Variants in NLRP12 observed in about 807,000 individuals in gnomAD.
NLRP12 encodes the protein NLR family pyrin domain containing 12.
NLRP12 carries 108 observed loss-of-function variants against 91.2 expected under a neutral mutation model. The observed-to-expected ratio is 1.18, with a 90% CI of 1.01 to 1.39. NLRP12 has a LOEUF of 1.39. NLRP12 is among the 40% of genes most tolerant of loss of function. The pLI, the probability that NLRP12 is intolerant of heterozygous loss-of-function variation, is 0.00. For missense variants in NLRP12, 1,530 were observed against 1,352.7 expected (o/e 1.13, Z -2.06); for synonymous variants, 613 against 566.7 (o/e 1.08, Z -1.16).
At position 53,811,214 on chromosome 19, in the gene NLRP12, C is replaced by T. The variant is rs1157468713; in HGVS notation, c.445G>A (p.Glu149Lys). 1 of 1,613,980 alleles carries T rather than the reference C, an allele frequency of 6.2e-7. No individual in the cohort carries two copies. Among genetic ancestry groups the T allele is most frequent in the Non-Finnish European group, 8.5e-7 (1 of 1,180,042 alleles). ...LMEDRNARLGECVNLSHRYTR... is the reference protein window; with the variant it reads ...LMEDRNARLGKCVNLSHRYTR... ...TACCGGTGGCTGAGGTTGACACATT[C>T]CCCTAGGCGCGCATTGCGGTCTTCC... The change falls in exon 3 of 10, where the codon GAA becomes AAA. Residue 149 changes from glutamate (E) to lysine (K), a missense_variant. By Grantham distance (56) the Glu-to-Lys change is moderately conservative (BLOSUM62 1). Coordinates refer to ENST00000324134, the MANE Select transcript of NLRP12 (RefSeq NM_144687.4).
intron 3 of NLRP12, among the ~76,000 whole-genome samples, chr19:53,809,051 C>T (rs778137750): frequency 6.6e-6 from 1 of 151,850 alleles, no homozygotes; most frequent in African/African-American, 2.4e-5. Context: ...CACAGCGAAA[C>T]CCCATCTCCA....
chr19:53,823,462 A>AAAT (rs1430328978), intron 1 of NLRP12, among the ~76,000 whole-genome samples: 14,787 of 100,296 alleles, frequency 0.15, 1,218 homozygotes, highest in Middle Eastern at 0.22. Flanking sequence ...ATATATTTTA[A>AAAT]ATATATATTT....
chr19:53,819,655 A>G (rs2092235053), intron 1 of NLRP12, among the ~76,000 whole-genome samples: 1 of 81,282 alleles, frequency 1.2e-5, no homozygotes, highest in Admixed American at 1.3e-4. Context: ...ACGTATATAT[A>G]TACACATGTA....
At chr19:53,822,925 G>A (rs1054827148) in intron 1 of NLRP12, among the ~76,000 whole-genome samples, 5 of 151,380 alleles carry the variant, frequency 3.3e-5, no homozygotes, top group South Asian at 2.1e-4. Context: ...GTGCCACCAC[G>A]CCTGGCTAAT....
intron 2 of NLRP12, among the ~76,000 whole-genome samples, chr19:53,813,335 C>T (rs1208323681): frequency 3.9e-5 from 4 of 102,210 alleles, no homozygotes; most frequent in Non-Finnish European, 7.1e-5. Flanking sequence ...CAGAGTCTTG[C>T]TCTGTCACCT....
At chr19:53,817,017 C>T (rs532544041) in intron 1 of NLRP12, among the ~76,000 whole-genome samples, 106 of 151,316 alleles carry the variant, frequency 7.0e-4, no homozygotes, top group African/African-American at 2.4e-3. Flanking sequence ...AGGGCCAGGG[C>T]GCGGTGGCTC....
In NLRP12 at chr19:53,804,151, C is replaced by T. The variant is rs573268076; in HGVS notation, c.2415-29G>A. On this transcript the variant is annotated intron_variant, in intron 5 of 9. Coordinates refer to ENST00000324134, the MANE Select transcript of NLRP12 (RefSeq NM_144687.4). ...GGGAGGAAGGAGAGGTTGAAGGGGA[C>T]GCCATCTTGCTTTTCTATGTCGTGA... 6.1e-5 allele frequency: 98 copies of T among 1,611,866 alleles called. No individual in the cohort carries two copies. In the Admixed American group the frequency reaches 8.0e-4, roughly 13 times the overall value.
At chr19:53,820,116 G>A (rs540915784) in intron 1 of NLRP12, among the ~76,000 whole-genome samples, 3 of 152,148 alleles carry the variant, frequency 2.0e-5, no homozygotes, top group South Asian at 2.1e-4. Context: ...AAGTTTGCTC[G>A]GTTCCTAGCC....
At position 53,811,098 on chromosome 19, in the gene NLRP12, C is replaced by T; in HGVS notation, c.561G>A (p.Val187=). ...TCTTGATGGGGCTAGCCTGGTGTCC[C>T]ACGGTCCTCGCGTGTCCCCGGCCTG... ...LDTGRGHART[V]GHQASPIKIE... Residue 187 remains valine, a synonymous_variant, in exon 3 of 10, where the codon GTG becomes GTA. Transcript: ENST00000324134. 1 of 1,613,918 alleles carries T rather than the reference C, an allele frequency of 6.2e-7. No homozygotes were observed. The highest frequency in any genetic ancestry group is 8.5e-7 in the Non-Finnish European group (1 of 1,179,864).
rs367744369 is a variant in NLRP12, at chr19:53,811,107, C to T, written c.552G>A (p.Ala184=). The T allele has an allele frequency of 1.5e-4, 240 of 1,613,888 alleles. No individual in the cohort carries two copies. Among genetic ancestry groups the T allele is most frequent in the Non-Finnish European group, 1.8e-4 (216 of 1,180,000 alleles). ...QQLLDTGRGH[A]RTVGHQASPI... is the part of the protein sequence containing the mutation. ...GGCTAGCCTGGTGTCCCACGGTCCT[C>T]GCGTGTCCCCGGCCTGTGTCCAGAA... Residue 184 remains alanine, a synonymous_variant, in exon 3 of 10, where the codon GCG becomes GCA. Coordinates refer to ENST00000324134, the MANE Select transcript of NLRP12 (RefSeq NM_144687.4).
intron 8 of NLRP12, among the ~76,000 whole-genome samples, chr19:53,796,758 A>G (rs1326585390): frequency 4.0e-5 from 6 of 151,598 alleles, no homozygotes; most frequent in Non-Finnish European, 8.8e-5. Flanking sequence ...GCACTTTGGG[A>G]GGCCGAGGCA....
chr19:53,806,823 A>T (rs1212659602), intron 4 of NLRP12, among the ~76,000 whole-genome samples: 1 of 149,730 alleles, frequency 6.7e-6, no homozygotes, highest in Non-Finnish European at 1.5e-5. Flanking sequence ...GTGCCACTGC[A>T]CTCCAGCCTG....
Position 53,801,521 on chromosome 19 carries a change from G to C in NLRP12, c.2586-124C>G, listed in dbSNP as rs1284301145. 5 of 1,315,044 alleles carry C rather than the reference G, an allele frequency of 3.8e-6. No homozygotes were observed. The South Asian group carries it at 6.8e-5, about 18-fold the overall frequency. 81.5% of individuals were successfully genotyped at this position (1,315,044 alleles called of 1,614,324 possible). ...GGCTGGAATGCAGTGGTGCAATCTC[G>C]GCTCAGCTGCATCCTCCACCTCCCA... is the stretch of plus-strand genomic sequence containing the variant. On this transcript the variant is annotated intron_variant, in intron 6 of 9. Transcript: ENST00000324134.
chr19:53,802,229 A>T (rs975501697), intron 6 of NLRP12, among the ~76,000 whole-genome samples: 1 of 151,806 alleles, frequency 6.6e-6, no homozygotes, highest in African/African-American at 2.4e-5. Flanking sequence ...CTCCATCTCA[A>T]ATAAATAAAT....
intron 7 of NLRP12, among the ~76,000 whole-genome samples, chr19:53,799,623 C>T (rs1303170279): frequency 1.3e-5 from 2 of 151,968 alleles, no homozygotes; most frequent in Non-Finnish European, 2.9e-5. Flanking sequence ...ACCTGGATAT[C>T]AGGCGTCCGC....
Position 53,801,609 on chromosome 19 carries a change from C to T in NLRP12, c.2586-212G>A, listed in dbSNP as rs117788492. Among the ~76,000 whole-genome samples the T allele has an allele frequency of 8.4e-3, 1,273 of 151,694 alleles. 37 individuals are homozygous for T. The South Asian group carries it at 0.097, about 12-fold the overall frequency. ...CTGGGACTACAAGCGTGTGGCATCA[C>T]GCCTAGTTAGTTTTTGTATTTTTAG... is the stretch of plus-strand genomic sequence containing the variant. On this transcript the variant is annotated intron_variant, in intron 6 of 9. Transcript: ENST00000324134.
chr19:53,804,180 C>T, intron 5 of NLRP12, 58 bp from the exon 6 acceptor site: 2 of 1,565,170 alleles, frequency 1.3e-6, no homozygotes, highest in South Asian at 1.1e-5. Flanking sequence ...GTCGTGATCA[C>T]TCATGCTCCA....
intron 9 of NLRP12, among the ~76,000 whole-genome samples, chr19:53,795,099 GGTGTGTGCGTGTGT>G (rs1157012034): frequency 1.5e-5 from 2 of 133,398 alleles, no homozygotes; most frequent in Non-Finnish European, 3.3e-5. Flanking sequence ...CACCATACCT[GGTGTGTGCGTGTGT>G]GTGTGTGTGT....
intron 2 of NLRP12, among the ~76,000 whole-genome samples, chr19:53,811,522 AT>A (rs1004505838): frequency 2.0e-5 from 3 of 151,478 alleles, no homozygotes; most frequent in African/African-American, 4.8e-5. Context: ...TCAAAAAAAA[AT>A]TTTTTTTAAT....
Sources: allele counts gnomAD v4.1 joint callset (sites outside exome capture counted in the v4.1 genomes callset), GRCh38; gene constraint gnomAD v4.1.1; transcripts MANE v1.5; gene names NCBI Gene and HGNC (gene_info 2026-07-23, HGNC 2026-07-21).